The following NPAS3 variants were observed in gnomAD, a reference collection of about 807,000 sequenced individuals.
NPAS3 encodes the protein neuronal PAS domain protein 3.
A neutral mutation model predicts 73.1 loss-of-function variants in NPAS3; 14 were observed. That is an observed-to-expected ratio of 0.19 (90% confidence interval 0.13 to 0.30). The LOEUF (loss-of-function observed/expected upper bound fraction) is 0.30, where lower values mean the gene tolerates loss of function less well. Among genes scored for constraint, NPAS3 ranks in the 10% least tolerant of loss-of-function variants. The pLI, the probability that NPAS3 is intolerant of heterozygous loss-of-function variation, is 1.00. For missense variants in NPAS3, 1,096 were observed against 1,250.0 expected (o/e 0.88, Z 1.86); for synonymous variants, 620 against 541.5 (o/e 1.14, Z -2.01).
At chr14:33,625,115 A>T (rs1280498848) in intron 5 of NPAS3, among the ~76,000 whole-genome samples, 1 of 152,210 alleles carries the variant, frequency 6.6e-6, no homozygotes, top group African/African-American at 2.4e-5. Context: ...TTGTGTTATA[A>T]TCTTGGTCTT....
chr14:33,745,027 G>T (rs1157251979), intron 7 of NPAS3, among the ~76,000 whole-genome samples: 1 of 152,044 alleles, frequency 6.6e-6, no homozygotes, highest in Non-Finnish European at 1.5e-5. Context: ...GATTGCTTGA[G>T]CCCAGGCATT....
chr14:33,331,551 C>G (rs2043986533), intron 3 of NPAS3, among the ~76,000 whole-genome samples: 1 of 151,172 alleles, frequency 6.6e-6, no homozygotes, highest in Non-Finnish European at 1.5e-5. Flanking sequence ...CCCCCCACCG[C>G]TTTTTTCTAT....
At chr14:33,072,153 A>G (rs2041507829) in intron 2 of NPAS3, among the ~76,000 whole-genome samples, 1 of 152,162 alleles carries the variant, frequency 6.6e-6, no homozygotes, top group African/African-American at 2.4e-5. Flanking sequence ...GGTCTCCTAA[A>G]GTGCTGGGAT....
At chr14:33,540,351 T>C (rs1346884212) in intron 4 of NPAS3, among the ~76,000 whole-genome samples, 1 of 152,204 alleles carries the variant, frequency 6.6e-6, no homozygotes, top group Non-Finnish European at 1.5e-5. Context: ...TGAAGATAAA[T>C]GGACTGTACT....
At position 33,250,878 on chromosome 14, in the gene NPAS3, T is replaced by G. The variant is rs114452569; in HGVS notation, c.385+35452T>G. The stretch of plus-strand genomic sequence containing the variant: ...GCATAAATACCATGGATAATATCTT[T>G]TATAATAACCTACCCTTATTCAGAA... On this transcript the variant is annotated intron_variant, in intron 3 of 11. Transcript: ENST00000356141. 9.2e-3 allele frequency among the ~76,000 whole-genome samples: 1,402 copies of G among 152,232 alleles called. 12 individuals are homozygous for G. Among genetic ancestry groups the G allele is most frequent in the African/African-American group, 0.032 (1,315 of 41,542 alleles).
upstream of NPAS3, among the ~76,000 whole-genome samples, chr14:32,937,625 T>C (rs150453903): frequency 0.011 from 1,646 of 152,318 alleles, 32 homozygotes; most frequent in African/African-American, 0.035. Context: ...AAAACATTTA[T>C]GTGTTCCTTT....
At chr14:33,554,420 C>A (rs774865511) in intron 4 of NPAS3, among the ~76,000 whole-genome samples, 5 of 152,174 alleles carry the variant, frequency 3.3e-5, no homozygotes, top group African/African-American at 4.8e-5. Flanking sequence ...ATCACAGATG[C>A]ATGGCACATT....
At chr14:33,618,465 A>G (rs150829437) in intron 5 of NPAS3, among the ~76,000 whole-genome samples, 9 of 152,218 alleles carry the variant, frequency 5.9e-5, no homozygotes, top group African/African-American at 2.2e-4. Flanking sequence ...AGTTCACAAT[A>G]GGGTCCATGC....
At chr14:33,744,353 T>G (rs145247438) in intron 7 of NPAS3, among the ~76,000 whole-genome samples, 1 of 152,128 alleles carries the variant, frequency 6.6e-6, no homozygotes, top group African/African-American at 2.4e-5. Context: ...GAACAGCTGG[T>G]CATTGGAGCA....
intron 4 of NPAS3, among the ~76,000 whole-genome samples, chr14:33,393,983 T>G (rs2047116603): frequency 6.6e-6 from 1 of 152,102 alleles, no homozygotes; most frequent in Non-Finnish European, 1.5e-5. Flanking sequence ...TAGCAGAGAG[T>G]TTTGGAACTC....
intron 4 of NPAS3, among the ~76,000 whole-genome samples, chr14:33,459,223 G>A (rs146962529): frequency 3.3e-5 from 5 of 152,134 alleles, no homozygotes; most frequent in African/African-American, 7.2e-5. Flanking sequence ...ATCTTGTGCC[G>A]ACCTCCCATC....
intron 4 of NPAS3, among the ~76,000 whole-genome samples, chr14:33,434,090 G>T (rs1340673069): frequency 2.0e-5 from 3 of 152,160 alleles, no homozygotes; most frequent in Non-Finnish European, 4.4e-5. Context: ...GACTCAGGAG[G>T]CTGAGGCAGC....
rs1036068915 is a variant in NPAS3 at position 33,455,120 on chromosome 14, C to A, written c.468+87852C>A. Among the ~76,000 whole-genome samples, 4 of 152,256 alleles carry A rather than the reference C, an allele frequency of 2.6e-5. No individual in the cohort carries two copies. In the South Asian group the frequency reaches 6.2e-4, roughly 24 times the overall value. On this transcript the variant is annotated intron_variant, in intron 4 of 11. Transcript: ENST00000356141. ...AAATAGTATTCCGTGTTAAGATGTA[C>A]CATAATATTTGCTGGAAGTTAATTC...
chr14:32,954,463 A>G (rs750479963), intron 1 of NPAS3, among the ~76,000 whole-genome samples: 1 of 152,156 alleles, frequency 6.6e-6, no homozygotes, highest in African/African-American at 2.4e-5. Flanking sequence ...CATAGCTAGT[A>G]AAGTTTTGAA....
intron 9 of NPAS3, among the ~76,000 whole-genome samples, chr14:33,779,168 C>T (rs1468565380): frequency 6.6e-6 from 1 of 152,224 alleles, no homozygotes; most frequent in African/African-American, 2.4e-5. Flanking sequence ...AGAAACTTAT[C>T]TCAGCTCTTT....
rs191712230 is a variant in NPAS3, at chr14:33,482,279, C to T, written c.469-77842C>T. Among the ~76,000 whole-genome samples, 214 of 152,098 alleles carry T rather than the reference C, an allele frequency of 1.4e-3. 1 individual carries two copies. Among genetic ancestry groups the T allele is most frequent in the Non-Finnish European group, 3.2e-4 (22 of 67,964 alleles). On this transcript the variant is annotated intron_variant, in intron 4 of 11. Transcript: ENST00000356141. The stretch of plus-strand genomic sequence containing the variant: ...ATGTTTTAAGATAGATGTTCACATT[C>T]GAACCTTTAGATAAGTAAATGGCCC...
intron 6 of NPAS3, 118 bp from the exon 7 acceptor site, chr14:33,735,096 C>A (rs2061489812): frequency 1.4e-6 from 1 of 731,428 alleles, no homozygotes; most frequent in East Asian, 2.5e-5. Flanking sequence ...ATTACTACTG[C>A]TCTTAGCACC....
intron 4 of NPAS3, among the ~76,000 whole-genome samples, chr14:33,380,216 G>A (rs2046485941): frequency 6.6e-6 from 1 of 152,040 alleles, no homozygotes; most frequent in Non-Finnish European, 1.5e-5. Flanking sequence ...TGTACTTCAT[G>A]GCTGATACAT....
intron 1 of NPAS3, among the ~76,000 whole-genome samples, chr14:32,979,083 TC>T (rs1776054529): frequency 1.3e-5 from 2 of 152,168 alleles, no homozygotes; most frequent in Non-Finnish European, 2.9e-5. Context: ...ATAGTGTGAA[TC>T]TCATAGTATT....
Sources: allele counts gnomAD v4.1 joint callset (sites outside exome capture counted in the v4.1 genomes callset), GRCh38; gene constraint gnomAD v4.1.1; transcripts MANE v1.5; gene names NCBI Gene and HGNC (gene_info 2026-07-23, HGNC 2026-07-21).